Variants in AFF3 observed in about 807,000 individuals in gnomAD.
AFF3 encodes the protein ALF transcription elongation factor 3.
Under a neutral mutation model 129.7 loss-of-function variants are expected in AFF3, and 32 were observed. That is an observed-to-expected ratio of 0.25 (90% CI 0.19 to 0.33). The LOEUF (loss-of-function observed/expected upper bound fraction) is 0.33. AFF3 is among the 10% of genes least tolerant of loss of function. The pLI is 1.00. For synonymous variants in AFF3, 644 were observed against 635.4 expected (o/e 1.01, Z -0.20); for missense variants, 1,373 against 1,592.0 (o/e 0.86, Z 2.34).
rs1676222961 is a variant in AFF3 at position 99,568,863 on chromosome 2, C to CT, written c.2970dup (p.Ala991SerfsTer16). ...GAAAAGGGTCTCACCATTGCATCTG[C>CT]TTTATGCTTCATTCGTTTAGCTTCT... On this transcript the variant is annotated frameshift_variant, in exon 19 of 25. Coordinates refer to ENST00000672756, the MANE Select transcript of AFF3 (RefSeq NM_001386135.1). LOFTEE classifies it high-confidence loss of function. The CT allele has an allele frequency of 6.2e-7, 1 of 1,614,046 alleles. No homozygotes were observed.
intron 8 of AFF3, among the ~76,000 whole-genome samples, chr2:99,753,174 A>T (rs1286637069): frequency 6.6e-6 from 1 of 152,056 alleles, no homozygotes; most frequent in Non-Finnish European, 1.5e-5. Context: ...GATCTGGCTC[A>T]CTGCAACCTC....
Position 99,565,364 on chromosome 2 carries a change from G to GGGGGGATGAACACTGGTTCCTGGT in AFF3, c.3119+99_3119+122dup, listed in dbSNP as rs1334012315. 6 of 1,378,106 alleles carry GGGGGGATGAACACTGGTTCCTGGT rather than the reference G, an allele frequency of 4.4e-6. No individual in the cohort carries two copies. In the Admixed American group the frequency reaches 9.7e-5, roughly 22 times the overall value. 85.4% of individuals were successfully genotyped at this position (1,378,106 alleles called of 1,614,324 possible). A position where few individuals can be genotyped will look rare whatever the true frequency, so the allele number is the denominator to read the frequency against. Reference sequence around the variant, plus strand: ...TTGCACGACCTTACCCTCTTATTTTGGGGGGATGAACACTGGTTCCTGGTG... The same window carrying GGGGGGATGAACACTGGTTCCTGGT: ...TTGCACGACCTTACCCTCTTATTTTGGGGGGATGAACACTGGTTCCTGGTGGGGGATGAACACTGGTTCCTGGTG... On this transcript the variant is annotated intron_variant, in intron 20 of 24. Transcript: ENST00000672756.
intron 7 of AFF3, among the ~76,000 whole-genome samples, chr2:99,964,524 C>T (rs1677547446): frequency 6.6e-6 from 1 of 152,068 alleles, no homozygotes; most frequent in Non-Finnish European, 1.5e-5. Flanking sequence ...TCAAAGATGA[C>T]ATCTCAAAAG....
intron 8 of AFF3, among the ~76,000 whole-genome samples, chr2:99,777,653 C>T (rs1257717724): frequency 6.6e-6 from 1 of 152,198 alleles, no homozygotes; most frequent in Non-Finnish European, 1.5e-5. Context: ...TTTCAAATAT[C>T]TCAGGTAAGG....
chr2:100,124,534 T>G (rs531607319), intron 2 of AFF3, among the ~76,000 whole-genome samples: 1 of 152,200 alleles, frequency 6.6e-6, no homozygotes, highest in South Asian at 2.1e-4. Flanking sequence ...AAAACAAGAC[T>G]GAGATAGGAA....
At chr2:99,788,076 T>C (rs555152462) in intron 8 of AFF3, among the ~76,000 whole-genome samples, 1 of 152,330 alleles carries the variant, frequency 6.6e-6, no homozygotes, top group African/African-American at 2.4e-5. Context: ...GATGCTGGCG[T>C]AAATAAACCT....
intron 7 of AFF3, among the ~76,000 whole-genome samples, chr2:99,865,468 G>A (rs1475097042): frequency 1.3e-5 from 2 of 152,112 alleles, no homozygotes; most frequent in Admixed American, 6.6e-5. Flanking sequence ...CGTGTTTGAC[G>A]ACAGAATCAG....
chr2:99,827,846 C>A (rs949485967), intron 8 of AFF3, among the ~76,000 whole-genome samples: 1 of 151,952 alleles, frequency 6.6e-6, no homozygotes, highest in Non-Finnish European at 1.5e-5. Flanking sequence ...CACCCTTGTA[C>A]CCCCAGCGCC....
At chr2:100,058,977 G>T (rs766683180) in intron 4 of AFF3, among the ~76,000 whole-genome samples, 2 of 152,032 alleles carry the variant, frequency 1.3e-5, no homozygotes, top group Non-Finnish European at 2.9e-5. Flanking sequence ...TCTTGGCCAG[G>T]TGCAATGGCT....
At chr2:99,792,769 T>C (rs1435277082) in intron 8 of AFF3, among the ~76,000 whole-genome samples, 1 of 152,232 alleles carries the variant, frequency 6.6e-6, no homozygotes, top group Non-Finnish European at 1.5e-5. Flanking sequence ...AAAATTATAC[T>C]GACTGATTTT....
At chr2:99,728,327 G>A (rs1679527131) in intron 10 of AFF3, among the ~76,000 whole-genome samples, 1 of 152,124 alleles carries the variant, frequency 6.6e-6, no homozygotes, top group Non-Finnish European at 1.5e-5. Context: ...ATAGGACTGT[G>A]GTAGTAACTT....
chr2:99,671,899 A>AC (rs1558728323), intron 12 of AFF3, among the ~76,000 whole-genome samples: 1 of 152,190 alleles, frequency 6.6e-6, no homozygotes. Flanking sequence ...ACCTTAACTG[A>AC]CTGATCAGAA....
At chr2:99,802,240 G>A (rs1685994627) in intron 8 of AFF3, among the ~76,000 whole-genome samples, 1 of 152,134 alleles carries the variant, frequency 6.6e-6, no homozygotes, top group Non-Finnish European at 1.5e-5. Context: ...TTTTTTAATG[G>A]ATTTTTATCT....
chr2:100,013,438 T>G (rs997501013), intron 4 of AFF3, among the ~76,000 whole-genome samples: 1 of 152,216 alleles, frequency 6.6e-6, no homozygotes, highest in Non-Finnish European at 1.5e-5. Context: ...GGTTAACTCT[T>G]TTAAAGATCA....
At chr2:99,611,910 C>T (rs918790518) in intron 13 of AFF3, among the ~76,000 whole-genome samples, 13 of 151,140 alleles carry the variant, frequency 8.6e-5, no homozygotes, top group African/African-American at 3.2e-4. Context: ...TTTATTCTTG[C>T]TAGGATATGA....
At chr2:99,638,715 A>G (rs1333860048) in intron 13 of AFF3, among the ~76,000 whole-genome samples, 1 of 152,192 alleles carries the variant, frequency 6.6e-6, no homozygotes, top group East Asian at 1.9e-4. Flanking sequence ...GGGCATCTGG[A>G]AGAACCTGGG....
chr2:99,618,848 C>G (rs975472433), intron 13 of AFF3, among the ~76,000 whole-genome samples: 2 of 152,136 alleles, frequency 1.3e-5, no homozygotes, highest in African/African-American at 4.8e-5. Flanking sequence ...CTTTTGTTTC[C>G]ATAAACCTGG....
At chr2:99,572,560 C>T (rs796837601) in intron 18 of AFF3, 6 of 455,150 alleles carry the variant, frequency 1.3e-5, no homozygotes, top group African/African-American at 1.2e-4. Flanking sequence ...GTTTGAACAA[C>T]AAGTTCCTCG....
chr2:99,590,075 C>A (rs1419204656), intron 15 of AFF3, among the ~76,000 whole-genome samples: 1 of 152,218 alleles, frequency 6.6e-6, no homozygotes, highest in Non-Finnish European at 1.5e-5. Flanking sequence ...GAGGCCCTAC[C>A]TGTGGTGCCC....
Sources: gnomAD v4.1 joint callset for allele counts (sites outside exome capture counted in the v4.1 genomes callset) on GRCh38, gnomAD v4.1.1 for gene constraint, MANE v1.5 for transcripts, NCBI Gene and HGNC (gene_info 2026-07-23, HGNC 2026-07-21) for gene names.